The following CDH13 variants were observed in gnomAD, a reference collection of about 807,000 sequenced individuals.
The protein encoded by CDH13 is cadherin-13.
Under a neutral mutation model 63.8 loss-of-function variants are expected in CDH13, and 24 were observed. The observed-to-expected ratio is 0.38, with a 90% CI of 0.27 to 0.53. The LOEUF (loss-of-function observed/expected upper bound fraction) is 0.53, where lower values mean the gene tolerates loss of function less well. CDH13 is among the 20% of genes least tolerant of loss of function. The pLI, the probability that CDH13 is intolerant of heterozygous loss-of-function variation, is 0.85. For missense variants in CDH13, 1,049 were observed against 903.1 expected, an observed-to-expected ratio of 1.16 and a Z score of -2.07; for synonymous variants, 503 against 355.3, an observed-to-expected ratio of 1.42 and a Z score of -4.67.
At chr16:82,996,088 A>G (rs973691283) in intron 2 of CDH13, among the ~76,000 whole-genome samples, 2 of 152,132 alleles carry the variant, frequency 1.3e-5, no homozygotes, top group African/African-American at 4.8e-5. Flanking sequence ...ACCGGGCAAA[A>G]GCATAGCAGA....
At chr16:83,173,222 T>C (rs1023681412) in intron 4 of CDH13, among the ~76,000 whole-genome samples, 2 of 152,174 alleles carry the variant, frequency 1.3e-5, no homozygotes, top group Non-Finnish European at 2.9e-5. Flanking sequence ...TACACTCTGC[T>C]GGTTGTGAAT....
chr16:83,732,075 C>T (rs1249832986), intron 10 of CDH13, among the ~76,000 whole-genome samples: 1 of 152,166 alleles, frequency 6.6e-6, no homozygotes, highest in African/African-American at 2.4e-5. Flanking sequence ...ACACTGTGAG[C>T]CGGGTCCTAA....
chr16:83,745,412 G>C (rs919486459), intron 10 of CDH13, among the ~76,000 whole-genome samples: 1 of 152,154 alleles, frequency 6.6e-6, no homozygotes, highest in Non-Finnish European at 1.5e-5. Flanking sequence ...TTACAACAGC[G>C]CTGTATCAGA....
intron 10 of CDH13, among the ~76,000 whole-genome samples, chr16:83,710,805 G>C (rs1421996581): frequency 1.3e-5 from 2 of 152,172 alleles, no homozygotes; most frequent in Non-Finnish European, 2.9e-5. Flanking sequence ...GTTTATGCTT[G>C]TTATTCGGAA....
At chr16:83,019,405 C>T (rs921552315) in intron 2 of CDH13, among the ~76,000 whole-genome samples, 1 of 152,112 alleles carries the variant, frequency 6.6e-6, no homozygotes, top group Admixed American at 6.5e-5. Flanking sequence ...GGGGTTATAA[C>T]ACGCATGGAG....
intron 4 of CDH13, among the ~76,000 whole-genome samples, chr16:83,164,973 A>G (rs561688094): frequency 6.6e-6 from 1 of 151,850 alleles, no homozygotes; most frequent in African/African-American, 2.4e-5. Flanking sequence ...ACTGGAGACA[A>G]TCCAGGCAGC....
At chr16:82,899,251 G>C (rs1206632014) in intron 2 of CDH13, among the ~76,000 whole-genome samples, 1 of 152,224 alleles carries the variant, frequency 6.6e-6, no homozygotes, top group Non-Finnish European at 1.5e-5. Flanking sequence ...AGTAAGGGCA[G>C]TGTCAAATGA....
intron 1 of CDH13, among the ~76,000 whole-genome samples, chr16:82,793,153 T>C (rs1204674436): frequency 1.3e-5 from 2 of 152,202 alleles, no homozygotes; most frequent in African/African-American, 4.8e-5. Flanking sequence ...CAGAAGCCTC[T>C]GGAAGCGGCA....
intron 5 of CDH13, among the ~76,000 whole-genome samples, chr16:83,269,026 A>G (rs1424987357): frequency 6.6e-6 from 1 of 152,224 alleles, no homozygotes. Flanking sequence ...AGCTTCAGCA[A>G]TCAACTACAT....
chr16:83,046,049 G>C (rs955530562), intron 3 of CDH13, among the ~76,000 whole-genome samples: 8 of 152,196 alleles, frequency 5.3e-5, no homozygotes, highest in African/African-American at 1.9e-4. Flanking sequence ...GGTGCTGTTT[G>C]ATTCTCAGCC....
At chr16:83,344,762 AT>A in intron 5 of CDH13, 99 bp from the exon 6 acceptor site, 1 of 1,319,548 alleles carries the variant, frequency 7.6e-7, no homozygotes, top group Non-Finnish European at 1.1e-6. Flanking sequence ...CCAAGGGCTC[AT>A]AAAATTGTCG....
intron 1 of CDH13, among the ~76,000 whole-genome samples, chr16:82,784,560 C>G (rs1050774019): frequency 4.4e-4 from 67 of 152,318 alleles, no homozygotes; most frequent in African/African-American, 1.5e-3. Flanking sequence ...ACAGAATACC[C>G]ACGGTCCTTG....
chr16:83,387,590 A>T (rs76365806), intron 6 of CDH13, among the ~76,000 whole-genome samples: 6,108 of 152,282 alleles, frequency 0.04, 286 homozygotes, highest in African/African-American at 0.11. Flanking sequence ...AAAAAATGTA[A>T]ATGGGATTCA....
At chr16:82,686,781 T>G (rs922893622) in intron 1 of CDH13, among the ~76,000 whole-genome samples, 4 of 152,168 alleles carry the variant, frequency 2.6e-5, no homozygotes, top group African/African-American at 9.7e-5. Flanking sequence ...AAATGAGAGT[T>G]GATGTTGAGT....
intron 1 of CDH13, among the ~76,000 whole-genome samples, chr16:82,713,104 A>G (rs1344907159): frequency 6.6e-6 from 1 of 152,008 alleles, no homozygotes; most frequent in African/African-American, 2.4e-5. Flanking sequence ...CGTTTGGCAA[A>G]AAAACAAGTT....
At chr16:82,753,773 G>C in intron 1 of CDH13, among the ~76,000 whole-genome samples, 1 of 152,104 alleles carries the variant, frequency 6.6e-6, no homozygotes, top group East Asian at 1.9e-4. Context: ...CACAATCCAT[G>C]GGGCCCTTTA....
intron 6 of CDH13, among the ~76,000 whole-genome samples, chr16:83,384,253 C>T (rs965138805): frequency 1.3e-5 from 2 of 152,052 alleles, no homozygotes; most frequent in Non-Finnish European, 2.9e-5. Context: ...TTGATGAAAT[C>T]ACATGATGTA....
At chr16:83,224,504 C>T (rs907947632) in intron 5 of CDH13, among the ~76,000 whole-genome samples, 2 of 152,200 alleles carry the variant, frequency 1.3e-5, no homozygotes, top group Non-Finnish European at 1.5e-5. Flanking sequence ...CTTCTGTCAT[C>T]ATTAGGGTCC....
intron 6 of CDH13, among the ~76,000 whole-genome samples, chr16:83,349,176 C>A (rs1303034972): frequency 6.6e-6 from 1 of 152,194 alleles, no homozygotes; most frequent in Non-Finnish European, 1.5e-5. Context: ...AGATCGTGAG[C>A]TGTTGCTTTT....
Sources: gnomAD v4.1 joint callset for allele counts (sites outside exome capture counted in the v4.1 genomes callset) on GRCh38, gnomAD v4.1.1 for gene constraint, MANE v1.5 for transcripts, NCBI Gene and HGNC (gene_info 2026-07-23, HGNC 2026-07-21) for gene names.